TRMT11: variants seen among roughly 807,000 people sequenced by gnomAD.
TRMT11 encodes tRNA (guanine(10)-N(2))-methyltransferase TRMT11.
Under a neutral mutation model 62.8 loss-of-function variants are expected in TRMT11, and 53 were observed. The ratio of observed to expected loss-of-function variants is 0.84; its 90% CI spans 0.68 to 1.06. TRMT11 has a LOEUF of 1.06. Among genes scored for constraint, TRMT11 ranks in the 50% least tolerant of loss-of-function variants. TRMT11 has a pLI of 0.00. For synonymous variants in TRMT11, 188 were observed against 190.3 expected (o/e 0.99, Z 0.10); for missense variants, 556 against 553.4 (o/e 1.00, Z -0.05).
intron 21 of TRMT11, among the ~76,000 whole-genome samples, chr6:126,158,208 CTT>C (rs1366877287): frequency 6.6e-6 from 1 of 152,156 alleles, no homozygotes; most frequent in Non-Finnish European, 1.5e-5. Context: ...TTTGATCAGT[CTT>C]TTGAAACCTT....
chr6:126,089,194 A>C (rs1212370299), intron 17 of TRMT11, among the ~76,000 whole-genome samples: 1 of 151,574 alleles, frequency 6.6e-6, no homozygotes, highest in Non-Finnish European at 1.5e-5. Flanking sequence ...GCTCACTGCA[A>C]CTTCCATCTC....
chr6:126,246,514 T>C, the TRMT11 span, among the ~76,000 whole-genome samples: 2 of 152,146 alleles, frequency 1.3e-5, no homozygotes. Context: ...GCTGATCATG[T>C]GGAATGGGTC....
intron 17 of TRMT11, among the ~76,000 whole-genome samples, chr6:126,081,826 C>T (rs1777162274): frequency 6.6e-6 from 1 of 152,046 alleles, no homozygotes; most frequent in Non-Finnish European, 1.5e-5. Context: ...CCAGCAGATC[C>T]AGTGATAATA....
chr6:126,007,346 T>C lies in TRMT11; in HGVS notation c.680-1046T>C, dbSNP rs538249453. ...CTCCAGAGGCACTACCCATCTTAGT[T>C]ACAGAGATTACATCTCAAAAGGTTA... On this transcript the variant is annotated intron_variant, in intron 7 of 12. Transcript: ENST00000334379. Among the ~76,000 whole-genome samples the C allele has an allele frequency of 2.6e-5, 4 of 152,080 alleles. No homozygotes were observed. In the East Asian group the frequency reaches 7.7e-4, roughly 29 times the overall value.
At position 125,998,555 on chromosome 6, in the gene TRMT11, T is replaced by G; in HGVS notation, c.393T>G (p.Leu131=). The G allele has an allele frequency of 6.2e-7, 1 of 1,611,372 alleles. No individual in the cohort carries two copies. Among genetic ancestry groups the G allele is most frequent in the Non-Finnish European group, 8.5e-7 (1 of 1,179,108 alleles). The stretch of plus-strand genomic sequence containing the variant: ...ATTTCTTTTGTTTCTTTTAGGCACT[T>G]GAATTTCTGCCATTTGAAGGAAAAG... The part of the protein sequence containing the change: ...QEEKIKRIDA[L]EFLPFEGKVN... The change falls in exon 6 of 13, where the codon CTT becomes CTG. Residue 131 remains leucine (L), a synonymous_variant. Coordinates refer to ENST00000334379, the MANE Select transcript of TRMT11 (RefSeq NM_001031712.3).
At chr6:126,146,197 G>A (rs1037204498) in intron 21 of TRMT11, among the ~76,000 whole-genome samples, 6 of 152,176 alleles carry the variant, frequency 3.9e-5, no homozygotes, top group African/African-American at 1.4e-4. Flanking sequence ...CCAAAATAAG[G>A]AAGCAGTAGA....
At chr6:126,129,234 G>A (rs1219472454) in intron 21 of TRMT11, among the ~76,000 whole-genome samples, 1 of 152,082 alleles carries the variant, frequency 6.6e-6, no homozygotes, top group Non-Finnish European at 1.5e-5. Context: ...TGCGCAACTT[G>A]AGATAAGTTA....
the TRMT11 span, among the ~76,000 whole-genome samples, chr6:126,225,941 G>A: frequency 1.4e-5 from 2 of 147,448 alleles, no homozygotes; most frequent in Admixed American, 1.4e-4. Flanking sequence ...CCATCTGCCC[G>A]TCTGTCTCCC....
chr6:126,049,384 A>C (rs1174601167), intron 16 of TRMT11, among the ~76,000 whole-genome samples: 1 of 152,254 alleles, frequency 6.6e-6, no homozygotes, highest in Non-Finnish European at 1.5e-5. Context: ...ATGTTGAAGC[A>C]GGCAAATAAA....
intron 7 of TRMT11, among the ~76,000 whole-genome samples, chr6:126,001,139 T>A (rs528473887): frequency 7.9e-5 from 12 of 152,296 alleles, no homozygotes; most frequent in African/African-American, 2.6e-4. Context: ...CAGTACTGTT[T>A]TCAGTGTTAA....
intron 17 of TRMT11, among the ~76,000 whole-genome samples, chr6:126,074,859 T>C (rs976128925): frequency 7.9e-5 from 12 of 152,188 alleles, no homozygotes; most frequent in Non-Finnish European, 1.8e-4. Context: ...CAAGACTAGC[T>C]GTCAGAAAAA....
intron 3 of TRMT11, among the ~76,000 whole-genome samples, chr6:125,996,631 T>G (rs1452541314): frequency 6.6e-6 from 1 of 152,196 alleles, no homozygotes; most frequent in East Asian, 1.9e-4. Context: ...AAATTTTCTG[T>G]CATCAGATTT....
chr6:126,264,917 T>G, the TRMT11 span, among the ~76,000 whole-genome samples: 1 of 152,202 alleles, frequency 6.6e-6, no homozygotes. Context: ...TATGTGCATG[T>G]ATCCTATTGG....
Position 126,038,732 on chromosome 6 carries a change from A to G in TRMT11, c.1288A>G (p.Ser430Gly). Reference sequence around the variant, plus strand: ...TCGGGACCAGTATTCACATCTGCTAAGTGATCATTTTCTGCCATACCAAGG... The same window carrying G: ...TCGGGACCAGTATTCACATCTGCTAGGTGATCATTTTCTGCCATACCAAGG... ...ENRDQYSHLL[S>G]DHFLPYQGHN... The change falls in exon 13 of 13, where the codon AGT becomes GGT. Residue 430 changes from serine to glycine, a missense_variant. Coordinates refer to ENST00000334379, the MANE Select transcript of TRMT11 (RefSeq NM_001031712.3). 6.3e-7 allele frequency: 1 copy of G among 1,596,338 alleles called. No homozygotes were observed. Among genetic ancestry groups the G allele is most frequent in the South Asian group, 1.1e-5 (1 of 87,214 alleles).
intron 1 of TRMT11, among the ~76,000 whole-genome samples, chr6:126,193,725 C>T (rs1481952221): frequency 6.6e-6 from 1 of 151,728 alleles, no homozygotes; most frequent in Admixed American, 6.6e-5. Flanking sequence ...GATCTCCTGA[C>T]CTCGTGATCC....
At chr6:126,078,398 G>GTTT (rs36060578) in intron 17 of TRMT11, among the ~76,000 whole-genome samples, 2 of 141,498 alleles carry the variant, frequency 1.4e-5, no homozygotes, top group African/African-American at 5.2e-5. Flanking sequence ...TATTAGAAAG[G>GTTT]TTTTTTTTTT....
intron 21 of TRMT11, among the ~76,000 whole-genome samples, chr6:126,154,426 T>C (rs1460998484): frequency 2.6e-5 from 4 of 152,068 alleles, no homozygotes; most frequent in African/African-American, 9.7e-5. Context: ...TGAACCCTTG[T>C]ATGGAAAAGT....
chr6:126,194,945 T>C (rs188579759), intron 1 of TRMT11, among the ~76,000 whole-genome samples: 5 of 152,020 alleles, frequency 3.3e-5, no homozygotes, highest in Admixed American at 2.0e-4. Flanking sequence ...TGAGACCCTA[T>C]CTCTATAAAA....
upstream of TRMT11, among the ~76,000 whole-genome samples, chr6:126,174,163 T>C (rs1175353707): frequency 2.6e-5 from 4 of 152,196 alleles, no homozygotes. Flanking sequence ...TCATAGGCTA[T>C]CCTCAGGAAT....
Sources: gnomAD v4.1 joint callset for allele counts (sites outside exome capture counted in the v4.1 genomes callset) on GRCh38, gnomAD v4.1.1 for gene constraint, MANE v1.5 for transcripts, NCBI Gene and HGNC (gene_info 2026-07-23, HGNC 2026-07-21) for gene names.